KATNIP: variants seen among roughly 807,000 people sequenced by gnomAD.
The protein encoded by KATNIP is katanin interacting protein, also known as katanin-interacting protein.
In KATNIP, 126 loss-of-function variants were observed where a neutral mutation model predicts 174.0. That is an observed-to-expected ratio of 0.72 (90% CI 0.63 to 0.84). The LOEUF is 0.84. Ranked by LOEUF, KATNIP falls within the 40% of genes least tolerant of loss-of-function variation. KATNIP has a pLI of 0.00. For missense variants in KATNIP, 1,958 were observed against 2,109.7 expected, an observed-to-expected ratio of 0.93 and a Z score of 1.41; for synonymous variants, 810 against 835.7, an observed-to-expected ratio of 0.97 and a Z score of 0.53.
At chr16:27,769,840 G>T in intron 20 of KATNIP, 21 bp from the exon 21 acceptor site, 3 of 1,611,610 alleles carry the variant, frequency 1.9e-6, no homozygotes, top group Non-Finnish European at 2.5e-6. Context: ...CTTCAGTCAT[G>T]TTATTTCTTT....
chr16:27,614,129 G>C (rs1298256125), intron 2 of KATNIP, among the ~76,000 whole-genome samples: 1 of 151,210 alleles, frequency 6.6e-6, no homozygotes, highest in Non-Finnish European at 1.5e-5. Flanking sequence ...CCAGGCTGGA[G>C]TGCAGTGGTG....
intron 5 of KATNIP, among the ~76,000 whole-genome samples, chr16:27,638,733 A>G (rs923736163): frequency 1.3e-5 from 2 of 152,026 alleles, no homozygotes; most frequent in African/African-American, 4.8e-5. Context: ...CAGTGGTCCC[A>G]GTGCACAGTG....
rs57883307 is a variant in KATNIP, at chr16:27,713,800, G to A, written c.1605+4880G>A. 2.7e-3 allele frequency among the ~76,000 whole-genome samples: 198 copies of A among 72,680 alleles called. 11 individuals carry two copies. The highest frequency in any genetic ancestry group is 4.1e-3 in the African/African-American group (67 of 16,340). 47.7% of individuals were successfully genotyped at this position (72,680 alleles called of 152,430 possible). On this transcript the variant is annotated intron_variant, in intron 13 of 27. Coordinates refer to ENST00000261588, the MANE Select transcript of KATNIP (RefSeq NM_015202.5). ...ACACATATTATATATGTGTGTGTGTGTGTATATACATATATATATATATAT... is the reference window on the plus strand; with the variant it reads ...ACACATATTATATATGTGTGTGTGTATGTATATACATATATATATATATAT...
At chr16:27,730,984 A>G (rs2080655771) in intron 14 of KATNIP, among the ~76,000 whole-genome samples, 2 of 152,096 alleles carry the variant, frequency 1.3e-5, no homozygotes, top group African/African-American at 4.8e-5. Flanking sequence ...GAGAGTATAC[A>G]TCTTTCAGCT....
At chr16:27,564,809 A>G (rs2090021998) in intron 1 of KATNIP, among the ~76,000 whole-genome samples, 1 of 151,672 alleles carries the variant, frequency 6.6e-6, no homozygotes, top group Admixed American at 6.6e-5. Context: ...CTTCTTGCCC[A>G]AGTTGGAGTA....
At chr16:27,750,335 G>A (rs763805453) in intron 16 of KATNIP, 29 bp downstream of exon 16, 8 of 1,577,460 alleles carry the variant, frequency 5.1e-6, no homozygotes, top group Non-Finnish European at 6.9e-6. Flanking sequence ...AATTTTCTCA[G>A]AGCCCCTATC....
chr16:27,735,850 T>C (rs954167154), intron 14 of KATNIP, among the ~76,000 whole-genome samples: 3 of 152,066 alleles, frequency 2.0e-5, no homozygotes, highest in Non-Finnish European at 4.4e-5. Context: ...CAAGAGCAGA[T>C]CAGAAGCCAA....
At position 27,776,838 on chromosome 16, in the gene KATNIP, C is replaced by T; in HGVS notation, c.4450-90C>T. 2 of 909,526 alleles carry T rather than the reference C, an allele frequency of 2.2e-6. No homozygotes were observed. Among genetic ancestry groups the T allele is most frequent in the Middle Eastern group, 6.1e-4 (2 of 3,290 alleles). 56.3% of individuals were successfully genotyped at this position (909,526 alleles called of 1,614,324 possible). The stretch of plus-strand genomic sequence containing the variant: ...GCAGGCGCTGCCTTGGGCACCACCG[C>T]TCACCCCAGCCCACGCCTGGCACCC... On this transcript the variant is annotated intron_variant, in intron 24 of 27. Coordinates refer to ENST00000261588, the MANE Select transcript of KATNIP (RefSeq NM_015202.5). The surrounding 1 kb of genome is among the most constrained non-coding windows in gnomAD (Gnocchi z 4.7).
intron 15 of KATNIP, among the ~76,000 whole-genome samples, chr16:27,747,421 G>A (rs181757631): frequency 1.6e-4 from 25 of 152,124 alleles, no homozygotes; most frequent in Admixed American, 9.8e-4. Flanking sequence ...GGATCCAGGA[G>A]TTCAGAGGTT....
chr16:27,761,402 T>A lies in KATNIP; in HGVS notation c.3632-11T>A. 1 of 1,601,650 alleles carries A rather than the reference T, an allele frequency of 6.2e-7. No homozygotes were observed. The highest frequency in any genetic ancestry group is 8.5e-7 in the Non-Finnish European group (1 of 1,173,516). The stretch of plus-strand genomic sequence containing the variant: ...TCTGGTGCTAATGGGCCACTTCTCT[T>A]CCTGTTGCAGGCCTTCAGCTGAATT... On this transcript the variant is annotated splice_polypyrimidine_tract_variant and intron_variant, in intron 18 of 27. Coordinates refer to ENST00000261588, the MANE Select transcript of KATNIP (RefSeq NM_015202.5).
In KATNIP at chr16:27,751,864, G is replaced by T. The variant is rs142864286; in HGVS notation, c.3492G>T (p.Thr1164=). 52 of 1,613,790 alleles carry T rather than the reference G, an allele frequency of 3.2e-5. 2 individuals are homozygous for T. The South Asian group carries it at 5.7e-4, about 18-fold the overall frequency. ...QDEEAMRRPS[T]ADGEGDERPF... Reference sequence around the variant, plus strand: ...AAGAGGCAATGAGGAGGCCCAGCACGGCCGACGGCGAGGGGGATGAGCGGC... The same window carrying T: ...AAGAGGCAATGAGGAGGCCCAGCACTGCCGACGGCGAGGGGGATGAGCGGC... The change falls in exon 17 of 28, where the codon ACG becomes ACT. Residue 1164 remains threonine (T), a synonymous_variant. Transcript: ENST00000261588.
At chr16:27,767,957 C>T (rs891174555) in intron 20 of KATNIP, among the ~76,000 whole-genome samples, 1 of 152,184 alleles carries the variant, frequency 6.6e-6, no homozygotes, top group Non-Finnish European at 1.5e-5. Flanking sequence ...TTAAAATTCC[C>T]TTGAGCAAAT....
At chr16:27,713,193 T>G (rs542167113) in intron 13 of KATNIP, among the ~76,000 whole-genome samples, 1 of 152,288 alleles carries the variant, frequency 6.6e-6, no homozygotes, top group East Asian at 1.9e-4. Context: ...TATTTTTTGT[T>G]CAGTAACTGG....
intron 1 of KATNIP, among the ~76,000 whole-genome samples, chr16:27,563,040 A>G (rs2089951306): frequency 6.6e-6 from 1 of 152,176 alleles, no homozygotes; most frequent in Admixed American, 6.5e-5. Flanking sequence ...ATTTCTACTG[A>G]TGCACACTCC....
intron 27 of KATNIP, 120 bp downstream of exon 27, chr16:27,778,089 G>A: frequency 2.4e-6 from 2 of 822,716 alleles, no homozygotes; most frequent in South Asian, 1.6e-5. Flanking sequence ...GCTCTCCTCT[G>A]CCCAGGAGCC....
At chr16:27,552,924 C>A (rs1411971993) in intron 1 of KATNIP, among the ~76,000 whole-genome samples, 2 of 152,080 alleles carry the variant, frequency 1.3e-5, no homozygotes, top group Non-Finnish European at 2.9e-5. Context: ...AAACTGCCAA[C>A]CTCAGGTGAT....
intron 3 of KATNIP, 90 bp downstream of exon 3, chr16:27,618,591 TAGGA>T: frequency 3.4e-6 from 3 of 877,844 alleles, no homozygotes; most frequent in Non-Finnish European, 5.7e-6. Context: ...CTGCCTCACA[TAGGA>T]ATGGGATGCA....
At chr16:27,698,553 G>A (rs1428521718) in intron 9 of KATNIP, 53 bp downstream of exon 9, 2 of 1,517,294 alleles carry the variant, frequency 1.3e-6, no homozygotes, top group African/African-American at 1.4e-5. Context: ...ACTGGGCAGT[G>A]TCTGAGCTGC....
At chr16:27,563,044 A>G (rs867204145) in intron 1 of KATNIP, among the ~76,000 whole-genome samples, 9 of 152,210 alleles carry the variant, frequency 5.9e-5, no homozygotes, top group South Asian at 2.1e-4. Context: ...CTACTGATGC[A>G]CACTCCATTC....
Sources: gnomAD v4.1 joint callset for allele counts (sites outside exome capture counted in the v4.1 genomes callset) on GRCh38, gnomAD v4.1.1 for gene constraint, Gnocchi (gnomAD v3.1) non-coding constraint, MANE v1.5 for transcripts, NCBI Gene and HGNC (gene_info 2026-07-23, HGNC 2026-07-21) for gene names.